The following NRXN3 variants were observed in gnomAD, a reference collection of about 807,000 sequenced individuals.
NRXN3 encodes neurexin 3, also known as neurexin III.
NRXN3 carries 32 observed loss-of-function variants against 137.6 expected under a neutral mutation model. The observed-to-expected ratio is 0.23, with a 90% CI of 0.18 to 0.31. NRXN3 has a LOEUF of 0.31. NRXN3 is among the 10% of genes least tolerant of loss of function. The pLI, the probability that NRXN3 is intolerant of heterozygous loss-of-function variation, is 1.00. For synonymous variants in NRXN3, 798 were observed against 784.5 expected (o/e 1.02, Z -0.29); for missense variants, 1,574 against 2,062.5 (o/e 0.76, Z 4.59).
chr14:78,321,812 G>T (rs1308271629), intron 4 of NRXN3, among the ~76,000 whole-genome samples: 2 of 152,018 alleles, frequency 1.3e-5, no homozygotes, highest in African/African-American at 4.8e-5. Context: ...AACATTGCTG[G>T]TTTCCCCTTC....
intron 15 of NRXN3, among the ~76,000 whole-genome samples, chr14:79,155,655 G>A (rs977948677): frequency 5.3e-5 from 8 of 151,562 alleles, no homozygotes; most frequent in African/African-American, 1.9e-4. Flanking sequence ...TTATATTTTA[G>A]CTATGTATTA....
chr14:79,032,035 G>A (rs1163755818), intron 15 of NRXN3, among the ~76,000 whole-genome samples: 1 of 152,086 alleles, frequency 6.6e-6, no homozygotes, highest in African/African-American at 2.4e-5. Context: ...CAGAGGTGTA[G>A]GAACTAAACA....
At chr14:78,288,673 T>C (rs1386734861) in intron 3 of NRXN3, among the ~76,000 whole-genome samples, 1 of 152,222 alleles carries the variant, frequency 6.6e-6, no homozygotes, top group Non-Finnish European at 1.5e-5. Flanking sequence ...TCCTTTGGAA[T>C]GATTCTTTTC....
chr14:79,030,635 C>CTTTTTTTTTTTTTTTT lies in NRXN3; in HGVS notation c.3262+42502_3262+42517dup. Among the ~76,000 whole-genome samples, 86 of 54,242 alleles carry CTTTTTTTTTTTTTTTT rather than the reference C, an allele frequency of 1.6e-3. 1 individual carries two copies. Among genetic ancestry groups the CTTTTTTTTTTTTTTTT allele is most frequent in the East Asian group, 5.6e-3 (5 of 894 alleles). 35.6% of individuals were successfully genotyped at this position (54,242 alleles called of 152,430 possible). On this transcript the variant is annotated intron_variant, in intron 15 of 20. Coordinates refer to ENST00000335750, the MANE Select transcript of NRXN3 (RefSeq NM_001330195.2). ...TGGCTTTTTGTCTCTTTCTCTGTGT[C>CTTTTTTTTTTTTTTTT]TTTTTTTTTTTTTTTTTTTTTTTAG...
chr14:79,212,460 GTGTTA>G (rs1242978739), intron 15 of NRXN3, among the ~76,000 whole-genome samples: 1 of 152,134 alleles, frequency 6.6e-6, no homozygotes. Context: ...ATGGATGAAG[GTGTTA>G]TGAAAACAGA....
intron 6 of NRXN3, among the ~76,000 whole-genome samples, chr14:78,680,378 G>A (rs985207557): frequency 1.3e-5 from 2 of 152,038 alleles, no homozygotes; most frequent in African/African-American, 4.8e-5. Context: ...GAAGTTAAAA[G>A]TTAAATAAAG....
intron 4 of NRXN3, among the ~76,000 whole-genome samples, chr14:78,378,399 C>T (rs187752892): frequency 6.7e-5 from 10 of 150,204 alleles, no homozygotes; most frequent in East Asian, 3.9e-4. Context: ...GTGAGAGAAT[C>T]GCTTGAACCC....
intron 4 of NRXN3, among the ~76,000 whole-genome samples, chr14:78,357,656 GA>G (rs150837239): frequency 1.1e-4 from 16 of 152,232 alleles, no homozygotes; most frequent in African/African-American, 3.9e-4. Flanking sequence ...AGCCAATACA[GA>G]AGGCCTCAAT....
At chr14:79,333,180 A>G (rs568168393) in intron 15 of NRXN3, among the ~76,000 whole-genome samples, 1 of 151,140 alleles carries the variant, frequency 6.6e-6, no homozygotes, top group Non-Finnish European at 1.5e-5. Context: ...CCCCTCAACT[A>G]CTCATTTTGC....
chr14:78,171,465 C>T (rs889165745), intron 1 of NRXN3, among the ~76,000 whole-genome samples: 1 of 152,108 alleles, frequency 6.6e-6, no homozygotes, highest in Admixed American at 6.5e-5. Context: ...TGAAAACTTC[C>T]ACTCTGTGTA....
At chr14:79,778,507 A>C (rs780181714) in intron 19 of NRXN3, among the ~76,000 whole-genome samples, 2 of 152,206 alleles carry the variant, frequency 1.3e-5, no homozygotes, top group Non-Finnish European at 2.9e-5. Context: ...GCAGCAGACT[A>C]TCAGGGAATA....
intron 10 of NRXN3, among the ~76,000 whole-genome samples, chr14:78,883,761 G>C (rs924563367): frequency 1.3e-5 from 2 of 152,180 alleles, no homozygotes; most frequent in African/African-American, 2.4e-5. Context: ...AAAATGCAGA[G>C]AGCTTACTCC....
intron 16 of NRXN3, among the ~76,000 whole-genome samples, chr14:79,531,254 T>C (rs1447356215): frequency 1.3e-5 from 2 of 152,220 alleles, no homozygotes; most frequent in Non-Finnish European, 2.9e-5. Context: ...CCATGTGATC[T>C]CTAAGAAGTC....
At chr14:79,369,555 G>A (rs1261529401) in intron 15 of NRXN3, among the ~76,000 whole-genome samples, 4 of 152,282 alleles carry the variant, frequency 2.6e-5, no homozygotes, top group African/African-American at 9.6e-5. Flanking sequence ...GAGAAATTTT[G>A]ATTGTACAAG....
chr14:79,210,244 T>C (rs2067443703), intron 15 of NRXN3, among the ~76,000 whole-genome samples: 1 of 152,182 alleles, frequency 6.6e-6, no homozygotes, highest in African/African-American at 2.4e-5. Flanking sequence ...CTGAGAGATG[T>C]TATTTTGAGA....
At chr14:78,204,342 A>G (rs2061985392) in intron 1 of NRXN3, among the ~76,000 whole-genome samples, 2 of 152,068 alleles carry the variant, frequency 1.3e-5, no homozygotes, top group South Asian at 4.1e-4. Context: ...AGGAAAAAAT[A>G]TGTTTGCCAC....
At chr14:79,313,953 A>G (rs1024259688) in intron 15 of NRXN3, 1 of 147,914 alleles carries the variant, frequency 6.8e-6, no homozygotes, top group Non-Finnish European at 1.5e-5. Context: ...ATCATTCTCC[A>G]TCCAGCTTTG....
At chr14:79,141,030 G>A (rs2058739853) in intron 15 of NRXN3, among the ~76,000 whole-genome samples, 1 of 152,170 alleles carries the variant, frequency 6.6e-6, no homozygotes, top group Non-Finnish European at 1.5e-5. Flanking sequence ...GAAACATTGA[G>A]TGGTAAAAGA....
At chr14:79,578,020 G>A (rs1002436800) in intron 16 of NRXN3, among the ~76,000 whole-genome samples, 45 of 152,266 alleles carry the variant, frequency 3.0e-4, no homozygotes, top group African/African-American at 1.1e-3. Flanking sequence ...TGATCCAAAG[G>A]TCCAGAGTTT....
Sources: allele counts gnomAD v4.1 joint callset (sites outside exome capture counted in the v4.1 genomes callset), GRCh38; gene constraint gnomAD v4.1.1; transcripts MANE v1.5; gene names NCBI Gene and HGNC (gene_info 2026-07-23, HGNC 2026-07-21).